Variants in NWD1 observed in about 807,000 individuals in gnomAD.
NWD1 encodes the protein NACHT and WD repeat domain containing 1.
In NWD1, 129 loss-of-function variants were observed where a neutral mutation model predicts 135.1. The ratio of observed to expected loss-of-function variants is 0.96; its 90% CI spans 0.83 to 1.11. The LOEUF is 1.11. Among genes scored for constraint, NWD1 ranks in the 50% least tolerant of loss-of-function variants. The pLI, the probability that NWD1 is intolerant of heterozygous loss-of-function variation, is 0.00. For missense variants in NWD1, 1,740 were observed against 1,851.3 expected, an observed-to-expected ratio of 0.94 and a Z score of 1.10; for synonymous variants, 773 against 786.0, an observed-to-expected ratio of 0.98 and a Z score of 0.28.
At chr19:16,787,099 C>T (rs1970064847) in intron 12 of NWD1, among the ~76,000 whole-genome samples, 1 of 151,980 alleles carries the variant, frequency 6.6e-6, no homozygotes, top group African/African-American at 2.4e-5. Flanking sequence ...GTACGTTTTG[C>T]TTAGCAAATA....
chr19:16,779,053 A>C (rs1969762993), intron 11 of NWD1, among the ~76,000 whole-genome samples: 1 of 152,120 alleles, frequency 6.6e-6, no homozygotes, highest in African/African-American at 2.4e-5. Context: ...CCAGAAACCG[A>C]TATGTGTCCG....
At chr19:16,814,906 C>A in intron 18 of NWD1, 122 bp from the exon 19 acceptor site, 1 of 777,450 alleles carries the variant, frequency 1.3e-6, no homozygotes, top group Non-Finnish European at 2.1e-6. Flanking sequence ...TAATAAATGT[C>A]ATGCCAAAAT....
In NWD1 at chr19:16,750,204, A is replaced by C; in HGVS notation, c.1562A>C (p.Asp521Ala). The C allele has an allele frequency of 6.2e-7, 1 of 1,613,212 alleles. No individual in the cohort carries two copies. The highest frequency in any genetic ancestry group is 1.7e-5 in the Admixed American group (1 of 59,956). The change falls in exon 6 of 19, where the codon GAT becomes GCT. Residue 521 changes from aspartate to alanine, a missense_variant. By Grantham distance (126) the Asp-to-Ala change is moderately radical (BLOSUM62 -2). Coordinates refer to ENST00000524140, the MANE Select transcript of NWD1 (RefSeq NM_001007525.5). ...AGGACGCTGAGCCCGGTGCACACAG[A>C]TTTGCTCTGGGCCAGCCTCCCAGAG... ...ARRTLSPVHTDLLWASLPECG... is the reference protein window; with the variant it reads ...ARRTLSPVHTALLWASLPECG...
intron 17 of NWD1, among the ~76,000 whole-genome samples, chr19:16,806,249 C>T (rs1048061508): frequency 3.9e-5 from 6 of 152,150 alleles, no homozygotes; most frequent in African/African-American, 1.4e-4. Flanking sequence ...TCAGAAATCC[C>T]TCACTGTCCA....
rs757246652 is a variant in NWD1 at position 16,800,023 on chromosome 19, C to T, written c.3597C>T (p.Leu1199=). ...PQSSSFKVWD[L]SDAHRSRVPA... Reference sequence around the variant, plus strand: ...CCTCATCTTTCAAGGTCTGGGATCTCAGCGATGCTCATAGGTCCCGGGTGC... The same window carrying T: ...CCTCATCTTTCAAGGTCTGGGATCTTAGCGATGCTCATAGGTCCCGGGTGC... Residue 1199 remains leucine (L), a synonymous_variant, in exon 17 of 19, where the codon CTC becomes CTT. Transcript: ENST00000524140. 6.2e-7 allele frequency: 1 copy of T among 1,614,224 alleles called. No individual in the cohort carries two copies. Among genetic ancestry groups the T allele is most frequent in the Non-Finnish European group, 8.5e-7 (1 of 1,180,040 alleles).
At chr19:16,784,503 G>A in intron 12 of NWD1, among the ~76,000 whole-genome samples, 1 of 152,116 alleles carries the variant, frequency 6.6e-6, no homozygotes, top group African/African-American at 2.4e-5. Context: ...TGAAGGAAGG[G>A]CAGGGGAGAG....
At chr19:16,721,238 C>G (rs1389644927) in intron 1 of NWD1, among the ~76,000 whole-genome samples, 1 of 151,894 alleles carries the variant, frequency 6.6e-6, no homozygotes, top group African/African-American at 2.4e-5. Context: ...AAATGCTTTG[C>G]AACATCCTAA....
intron 3 of NWD1, among the ~76,000 whole-genome samples, chr19:16,732,678 G>GAAAAAAAAAAAAAAAAA (rs1967629872): frequency 3.7e-4 from 19 of 51,600 alleles, no homozygotes; most frequent in African/African-American, 2.5e-3. Flanking sequence ...AAGAAAAAGT[G>GAAAAAAAAAAAAAAAAA]AAAAAGTGCA....
intron 17 of NWD1, among the ~76,000 whole-genome samples, chr19:16,805,873 C>CT (rs201955025): frequency 0.037 from 5,622 of 150,888 alleles, 155 homozygotes; most frequent in South Asian, 0.11. Context: ...TCTTTCTTTT[C>CT]TTCTTTTTTT....
chr19:16,746,690 C>T (rs1248685426), intron 5 of NWD1, among the ~76,000 whole-genome samples: 1 of 126,740 alleles, frequency 7.9e-6, no homozygotes, highest in South Asian at 2.6e-4. Context: ...AAACAAAAAA[C>T]AACAAAAAAA....
Position 16,750,130 on chromosome 19 carries a change from C to T in NWD1, c.1488C>T (p.Ser496=), listed in dbSNP as rs143493948. ...CCTACTGGGAGGTGAAGCCCCTTTC[C>T]GGAAACCAAGGCCAGCAGATGATCC... ...PEAYWEVKPL[S]GNQGQQMIQL... Residue 496 remains serine, a synonymous_variant, in exon 6 of 19, where the codon TCC becomes TCT. Coordinates refer to ENST00000524140, the MANE Select transcript of NWD1 (RefSeq NM_001007525.5). The T allele has an allele frequency of 6.5e-5, 105 of 1,613,986 alleles. No homozygotes were observed. The highest frequency in any genetic ancestry group is 4.9e-4 in the East Asian group (22 of 44,862).
intron 18 of NWD1, among the ~76,000 whole-genome samples, chr19:16,811,322 G>A (rs1970916496): frequency 1.3e-5 from 2 of 152,152 alleles, no homozygotes; most frequent in Non-Finnish European, 2.9e-5. Context: ...AGTGGCTCAT[G>A]CCTGTAATCC....
At position 16,816,098 on chromosome 19, in the gene NWD1, G is replaced by C. The variant is rs1971061603; in HGVS notation, c.*1059G>C. The C allele has an allele frequency of 6.6e-6, 1 of 152,186 alleles. No individual in the cohort carries two copies. The highest frequency in any genetic ancestry group is 1.5e-5 in the Non-Finnish European group (1 of 68,096). The allele number at this position is 152,186 out of a possible 1,614,324, so 9.4% of individuals were successfully genotyped here. On this transcript the variant is annotated 3_prime_UTR_variant, in exon 19 of 19. Transcript: ENST00000524140. ...AGGCACCACACTCAAATGCTCACAG[G>C]AGCTAGTGACTAATCTAGACACTTC...
chr19:16,793,806 A>G lies in NWD1; in HGVS notation c.3214-657A>G, dbSNP rs372493966. ...TGGCCAGGATAGTCTCAAACTCCTG[A>G]CCTCGAGTGATCCACCCACTTCGGT... On this transcript the variant is annotated intron_variant, in intron 14 of 18. Transcript: ENST00000524140. 2.3e-4 allele frequency among the ~76,000 whole-genome samples: 35 copies of G among 150,668 alleles called. No individual in the cohort carries two copies. The East Asian group carries it at 5.2e-3, about 22-fold the overall frequency.
rs776814173 is a variant in NWD1, at chr19:16,779,398, G to A, written c.2664G>A (p.Gln888=). The change falls in exon 12 of 19, where the codon CAG becomes CAA. Residue 888 remains glutamine (Q), a synonymous_variant. Transcript: ENST00000524140. ...AGAAGCTGCTGGTGATTGGCACCCA[G>A]GATGGCATCATGGCTGTGTGGGACA... ...VEEKLLVIGT[Q]DGIMAVWDME... is the part of the protein sequence containing the mutation. The A allele has an allele frequency of 3.1e-6, 5 of 1,613,376 alleles. No homozygotes were observed. Among genetic ancestry groups the A allele is most frequent in the Non-Finnish European group, 4.2e-6 (5 of 1,179,488 alleles).
At chr19:16,784,437 C>T (rs185758848) in intron 12 of NWD1, among the ~76,000 whole-genome samples, 21 of 151,998 alleles carry the variant, frequency 1.4e-4, no homozygotes, top group Non-Finnish European at 2.5e-4. Context: ...TATGCAAATA[C>T]GACACTATTT....
rs1214168842 is a variant in NWD1, at chr19:16,749,237, A to G, written c.595A>G (p.Ile199Val). 1.2e-6 allele frequency: 2 copies of G among 1,613,846 alleles called. No individual in the cohort carries two copies. Among genetic ancestry groups the G allele is most frequent in the Non-Finnish European group, 1.7e-6 (2 of 1,179,960 alleles). ...LREIQDLHKH[I>V]LEDCALRMVD... is the part of the protein sequence containing the mutation. ...AGAGATCCAAGACCTCCACAAACAC[A>G]TCCTTGAAGACTGCGCCCTTAGGAT... is the stretch of plus-strand genomic sequence containing the variant. The change falls in exon 6 of 19, where the codon ATC (isoleucine) becomes GTC (valine). Residue 199 changes from isoleucine to valine, a missense_variant. Transcript: ENST00000524140.
At chr19:16,740,446 C>T (rs1330366679) in intron 4 of NWD1, among the ~76,000 whole-genome samples, 1 of 151,992 alleles carries the variant, frequency 6.6e-6, no homozygotes, top group African/African-American at 2.4e-5. Context: ...AGCAATTCTC[C>T]TGCCTCAGCC....
Position 16,795,752 on chromosome 19 carries a change from A to G in NWD1, c.3304+1199A>G, listed in dbSNP as rs1283262745. Among the ~76,000 whole-genome samples the G allele has an allele frequency of 5.3e-5, 8 of 152,064 alleles. No individual in the cohort carries two copies. The East Asian group carries it at 1.5e-3, about 29-fold the overall frequency. ...TTTTAGTTCCACCATCTGCAACCCAATGGATGGTGGCATGTTAGCAGTTCA... is the reference window on the plus strand; with the variant it reads ...TTTTAGTTCCACCATCTGCAACCCAGTGGATGGTGGCATGTTAGCAGTTCA... On this transcript the variant is annotated intron_variant, in intron 15 of 18. Transcript: ENST00000524140.
Sources: gnomAD v4.1 joint callset for allele counts (sites outside exome capture counted in the v4.1 genomes callset) on GRCh38, gnomAD v4.1.1 for gene constraint, MANE v1.5 for transcripts, NCBI Gene and HGNC (gene_info 2026-07-23, HGNC 2026-07-21) for gene names.